BCKDHB: variants seen among roughly 807,000 people sequenced by gnomAD.
BCKDHB encodes branched chain keto acid dehydrogenase E1 subunit beta, also known as 2-oxoisovalerate dehydrogenase subunit beta, mitochondrial.
Under a neutral mutation model 48.5 loss-of-function variants are expected in BCKDHB, and 41 were observed. The observed-to-expected ratio is 0.85, with a 90% CI of 0.66 to 1.10. BCKDHB has a LOEUF of 1.10. Ranked by LOEUF, BCKDHB falls within the 50% of genes least tolerant of loss-of-function variation. The pLI, the probability that BCKDHB is intolerant of heterozygous loss-of-function variation, is 0.00. For missense variants in BCKDHB, 496 were observed against 494.2 expected, an observed-to-expected ratio of 1.00 and a Z score of -0.03; for synonymous variants, 201 against 174.8, an observed-to-expected ratio of 1.15 and a Z score of -1.18.
the BCKDHB span, among the ~76,000 whole-genome samples, chr6:80,420,406 A>G: frequency 4.6e-5 from 7 of 152,100 alleles, no homozygotes; most frequent in Non-Finnish European, 1.0e-4. Flanking sequence ...AAGTTTTAGG[A>G]TTGTGTGCTT....
At chr6:80,141,678 A>T (rs1466988528) in intron 3 of BCKDHB, among the ~76,000 whole-genome samples, 1 of 152,188 alleles carries the variant, frequency 6.6e-6, no homozygotes, top group African/African-American at 2.4e-5. Context: ...AAATGGGATT[A>T]TAGATAATTA....
intron 3 of BCKDHB, among the ~76,000 whole-genome samples, chr6:80,152,155 G>A (rs1771815967): frequency 7.8e-6 from 1 of 128,268 alleles, no homozygotes; most frequent in African/African-American, 2.5e-5. Context: ...AAATATTTTT[G>A]TATTCTTTTT....
chr6:80,422,545 C>G, the BCKDHB span, among the ~76,000 whole-genome samples: 1 of 152,182 alleles, frequency 6.6e-6, no homozygotes, highest in African/African-American at 2.4e-5. Flanking sequence ...AAAACACAGA[C>G]ACTCAATGTC....
At chr6:80,263,407 T>C (rs1168107054) in intron 8 of BCKDHB, among the ~76,000 whole-genome samples, 1 of 152,210 alleles carries the variant, frequency 6.6e-6, no homozygotes, top group Non-Finnish European at 1.5e-5. Context: ...ACGTAAGTTA[T>C]ATATTTTGTT....
chr6:80,217,317 C>T (rs773616977), intron 8 of BCKDHB, among the ~76,000 whole-genome samples: 13 of 152,134 alleles, frequency 8.5e-5, no homozygotes, highest in Non-Finnish European at 1.3e-4. Flanking sequence ...TTTCCAAACA[C>T]GTACTTTCTG....
At chr6:80,387,944 A>G in the BCKDHB span, among the ~76,000 whole-genome samples, 3 of 152,226 alleles carry the variant, frequency 2.0e-5, no homozygotes, top group South Asian at 6.2e-4. Flanking sequence ...AATAAATCCA[A>G]CTAAAATTCA....
chr6:80,326,123 C>A (rs1241543153), intron 9 of BCKDHB, among the ~76,000 whole-genome samples: 1 of 151,992 alleles, frequency 6.6e-6, no homozygotes, highest in East Asian at 1.9e-4. Flanking sequence ...ATGGTGGAAA[C>A]CGGTTGTGGG....
chr6:80,180,712 GA>G (rs1437839139), intron 6 of BCKDHB, among the ~76,000 whole-genome samples: 10 of 152,132 alleles, frequency 6.6e-5, no homozygotes, highest in Non-Finnish European at 1.3e-4. Flanking sequence ...ATATTTTGAA[GA>G]GACGAACATT....
intron 9 of BCKDHB, among the ~76,000 whole-genome samples, chr6:80,281,079 A>G (rs891256436): frequency 6.6e-6 from 1 of 151,782 alleles, no homozygotes; most frequent in Non-Finnish European, 1.5e-5. Flanking sequence ...TTAGATTTGT[A>G]TCTGAAATGG....
intron 8 of BCKDHB, among the ~76,000 whole-genome samples, chr6:80,251,963 A>G (rs1297078716): frequency 6.6e-6 from 1 of 152,242 alleles, no homozygotes; most frequent in Non-Finnish European, 1.5e-5. Flanking sequence ...GTTGACACAG[A>G]AGAAAGGCTC....
intron 9 of BCKDHB, among the ~76,000 whole-genome samples, chr6:80,332,516 A>C (rs1769362215): frequency 6.6e-6 from 1 of 152,124 alleles, no homozygotes; most frequent in Non-Finnish European, 1.5e-5. Context: ...TTCCAGTTTA[A>C]GTTAAGGCTA....
At chr6:80,193,710 A>C (rs1422477384) in intron 6 of BCKDHB, among the ~76,000 whole-genome samples, 2 of 142,616 alleles carry the variant, frequency 1.4e-5, no homozygotes, top group African/African-American at 5.4e-5. Flanking sequence ...ACAGAGCGAG[A>C]CTCTGTCTCA....
chr6:80,114,764 T>C (rs1440690873), intron 1 of BCKDHB, among the ~76,000 whole-genome samples: 1 of 152,156 alleles, frequency 6.6e-6, no homozygotes, highest in Non-Finnish European at 1.5e-5. Flanking sequence ...GAAACTCAAG[T>C]GGAGAACTGA....
At chr6:80,412,229 T>C in the BCKDHB span, among the ~76,000 whole-genome samples, 15 of 151,384 alleles carry the variant, frequency 9.9e-5, no homozygotes, top group South Asian at 3.1e-3. Flanking sequence ...CTGCAACCTC[T>C]GCCTCTTGGG....
At chr6:80,218,173 G>T (rs1158975635) in intron 8 of BCKDHB, among the ~76,000 whole-genome samples, 4 of 152,156 alleles carry the variant, frequency 2.6e-5, no homozygotes, top group East Asian at 3.9e-4. Context: ...CTTGTGCCAG[G>T]AAAATGGACT....
intron 9 of BCKDHB, among the ~76,000 whole-genome samples, chr6:80,299,774 C>A (rs936276039): frequency 2.0e-5 from 3 of 152,194 alleles, no homozygotes. Flanking sequence ...ATATAACCCA[C>A]AGCCACTATA....
the BCKDHB span, among the ~76,000 whole-genome samples, chr6:80,403,304 C>A: frequency 6.6e-6 from 1 of 151,768 alleles, no homozygotes; most frequent in East Asian, 1.9e-4. Flanking sequence ...GCATACAGAT[C>A]TTACACTTCT....
intron 6 of BCKDHB, among the ~76,000 whole-genome samples, chr6:80,174,716 A>G (rs1372627899): frequency 6.6e-6 from 1 of 152,140 alleles, no homozygotes; most frequent in Non-Finnish European, 1.5e-5. Flanking sequence ...TCCTGGACAC[A>G]TTGATCTTCT....
chr6:80,145,407 C>A (rs1261671514), intron 3 of BCKDHB, among the ~76,000 whole-genome samples: 5 of 152,176 alleles, frequency 3.3e-5, no homozygotes, highest in African/African-American at 1.2e-4. Context: ...CTTGAGGGGA[C>A]TTTCCCCCAA....
Sources: allele counts gnomAD v4.1 joint callset (sites outside exome capture counted in the v4.1 genomes callset), GRCh38; gene constraint gnomAD v4.1.1; transcripts MANE v1.5; gene names NCBI Gene and HGNC (gene_info 2026-07-23, HGNC 2026-07-21).